COL4A4: variants seen among roughly 807,000 people sequenced by gnomAD.
COL4A4 encodes collagen alpha-4(IV) chain.
A neutral mutation model predicts 192.9 loss-of-function variants in COL4A4; 105 were observed. The observed-to-expected ratio is 0.54, with a 90% CI of 0.46 to 0.64. COL4A4 has a LOEUF of 0.64. COL4A4 is among the 30% of genes least tolerant of loss of function. The pLI is 0.00. For synonymous variants in COL4A4, 762 were observed against 769.9 expected (o/e 0.99, Z 0.17); for missense variants, 1,967 against 2,169.3 (o/e 0.91, Z 1.85).
chr2:227,148,526 T>A (rs1260906283), intron 1 of COL4A4, among the ~76,000 whole-genome samples: 1 of 152,190 alleles, frequency 6.6e-6, no homozygotes, highest in Non-Finnish European at 1.5e-5. Flanking sequence ...GATGATGTAA[T>A]TGCAGTGGTT....
chr2:226,995,304 T>TA, the COL4A4 span: 1 of 664,566 alleles, frequency 1.5e-6, no homozygotes, highest in Non-Finnish European at 2.7e-6. Context: ...AAATCTTTGT[T>TA]ATATTTCTGT....
At chr2:227,018,262 G>A (rs200135348) in intron 44 of COL4A4, among the ~76,000 whole-genome samples, 2 of 152,008 alleles carry the variant, frequency 1.3e-5, no homozygotes, top group East Asian at 1.9e-4. Context: ...ATGGAGTTTC[G>A]CTCTTCTTGC....
At chr2:227,011,152 C>G (rs1963606182) in intron 45 of COL4A4, among the ~76,000 whole-genome samples, 1 of 152,178 alleles carries the variant, frequency 6.6e-6, no homozygotes, top group Non-Finnish European at 1.5e-5. Context: ...CCTTCGGCAC[C>G]TCTAAGGGGC....
chr2:227,133,426 GAT>G (rs2062612639), intron 4 of COL4A4, among the ~76,000 whole-genome samples: 1 of 152,202 alleles, frequency 6.6e-6, no homozygotes, highest in Admixed American at 6.5e-5. Flanking sequence ...GATTTAAAGA[GAT>G]ATTTCTCAGT....
At chr2:227,130,763 G>T (rs999869120) in intron 4 of COL4A4, among the ~76,000 whole-genome samples, 1 of 152,020 alleles carries the variant, frequency 6.6e-6, no homozygotes, top group Non-Finnish European at 1.5e-5. Flanking sequence ...ACTCATGATC[G>T]CCCCTGAAAC....
chr2:227,109,177 G>A (rs751566262), intron 10 of COL4A4, 47 bp downstream of exon 10: 3 of 1,547,926 alleles, frequency 1.9e-6, no homozygotes, highest in African/African-American at 1.4e-5. Context: ...TTATTTTCAT[G>A]TAGAATCTGG....
chr2:227,059,492 G>A lies in COL4A4; in HGVS notation c.2296C>T (p.His766Tyr). ...CCCCTCTTTCCCGGGGGTCCCAGGT[G>A]ACCAAATGCAGGGTCTCCCGGGATT... Reference protein sequence around the residue: ...KGIPGDPAFGHLGPPGKRGLS... With the variant: ...KGIPGDPAFGYLGPPGKRGLS... Residue 766 changes from histidine to tyrosine, a missense_variant, in exon 28 of 48, where the codon CAC (histidine) becomes TAC (tyrosine). Physicochemically the swap from His to Tyr is moderately conservative, Grantham distance 83 (BLOSUM62 2). Coordinates refer to ENST00000396625, the MANE Select transcript of COL4A4 (RefSeq NM_000092.5). 6.2e-7 allele frequency: 1 copy of A among 1,614,074 alleles called. No individual in the cohort carries two copies. The highest frequency in any genetic ancestry group is 8.5e-7 in the Non-Finnish European group (1 of 1,180,016).
chr2:227,039,165 T>C (rs761875665), intron 37 of COL4A4, among the ~76,000 whole-genome samples: 3 of 152,142 alleles, frequency 2.0e-5, no homozygotes, highest in Non-Finnish European at 2.9e-5. Flanking sequence ...CTATTAGTTT[T>C]GTTTTGTTTT....
At chr2:226,972,493 G>A in the COL4A4 span, among the ~76,000 whole-genome samples, 3 of 152,156 alleles carry the variant, frequency 2.0e-5, no homozygotes, top group African/African-American at 7.2e-5. Flanking sequence ...GCCTGGGAAG[G>A]CTGCTCCACC....
chr2:226,989,384 G>C, the COL4A4 span, among the ~76,000 whole-genome samples: 1 of 152,142 alleles, frequency 6.6e-6, no homozygotes. Context: ...TGGGTAACGG[G>C]GTATAGTAAC....
chr2:226,982,563 T>G, the COL4A4 span, among the ~76,000 whole-genome samples: 1 of 152,254 alleles, frequency 6.6e-6, no homozygotes, highest in Non-Finnish European at 1.5e-5. Flanking sequence ...TTCTTTAATG[T>G]GGCCAGAACC....
At chr2:226,995,252 T>C in the COL4A4 span, among the ~76,000 whole-genome samples, 7 of 152,194 alleles carry the variant, frequency 4.6e-5, no homozygotes, top group African/African-American at 1.7e-4. Context: ...TCTAAAAATA[T>C]TTACTTGACG....
Position 227,054,649 on chromosome 2 carries a change from A to G in COL4A4, c.2805T>C (p.Pro935=). 1 of 1,614,224 alleles carries G rather than the reference A, an allele frequency of 6.2e-7. No homozygotes were observed. The highest frequency in any genetic ancestry group is 8.5e-7 in the Non-Finnish European group (1 of 1,180,036). Residue 935 remains proline, a synonymous_variant, in exon 31 of 48, where the codon CCT becomes CCC. Coordinates refer to ENST00000396625, the MANE Select transcript of COL4A4 (RefSeq NM_000092.5). ...GAAGGCCAGACATGCCCTTCTCTCC[A>G]GGTTCTCCCTTTGCGCCAGGACATC... ...AEGCPGAKGE[P]GEKGMSGLPG...
intron 32 of COL4A4, 91 bp downstream of exon 32, chr2:227,052,214 A>T: frequency 1.2e-6 from 1 of 810,334 alleles, no homozygotes. Context: ...GTCTTTTCTA[A>T]TCTCAGTGTT....
chr2:227,091,503 A>T (rs1452426978), intron 20 of COL4A4, among the ~76,000 whole-genome samples: 3 of 152,036 alleles, frequency 2.0e-5, no homozygotes, highest in Non-Finnish European at 4.4e-5. Context: ...AGGGGAAAAA[A>T]TGGAGGAGAC....
chr2:227,010,517 A>G lies in COL4A4; in HGVS notation c.4334-16T>C, dbSNP rs761024396. 2 of 1,531,492 alleles carry G rather than the reference A, an allele frequency of 1.3e-6. No individual in the cohort carries two copies. The highest frequency in any genetic ancestry group is 2.3e-5 in the East Asian group (1 of 43,600). The allele number at this position is 1,531,492 out of a possible 1,614,324, so 94.9% of individuals were successfully genotyped here. A position where few individuals can be genotyped will look rare whatever the true frequency, so the allele number is the denominator to read the frequency against. On this transcript the variant is annotated splice_polypyrimidine_tract_variant and intron_variant, in intron 45 of 47. Coordinates refer to ENST00000396625, the MANE Select transcript of COL4A4 (RefSeq NM_000092.5). ...CCAGGAGGCCCTGGAGGAACAAAGGAAAAAAATTGAAGGCAGGTTAGGGGG... is the reference window on the plus strand; with the variant it reads ...CCAGGAGGCCCTGGAGGAACAAAGGGAAAAAATTGAAGGCAGGTTAGGGGG...
At chr2:227,158,940 T>C (rs75274596) in intron 1 of COL4A4, among the ~76,000 whole-genome samples, 7,271 of 152,154 alleles carry the variant, frequency 0.048, 227 homozygotes, top group Admixed American at 0.087. Flanking sequence ...CCATATGACC[T>C]AACCATTTCA....
At chr2:227,086,870 C>T (rs931008919) in intron 22 of COL4A4, among the ~76,000 whole-genome samples, 4 of 152,340 alleles carry the variant, frequency 2.6e-5, no homozygotes, top group African/African-American at 9.6e-5. Context: ...CACATACATG[C>T]ATTAAGGACC....
At chr2:226,978,044 A>G in the COL4A4 span, among the ~76,000 whole-genome samples, 1 of 152,210 alleles carries the variant, frequency 6.6e-6, no homozygotes, top group African/African-American at 2.4e-5. Flanking sequence ...ATGTTGGTGT[A>G]GTGTCCTCAC....
Sources: allele counts gnomAD v4.1 joint callset (sites outside exome capture counted in the v4.1 genomes callset), GRCh38; gene constraint gnomAD v4.1.1; transcripts MANE v1.5; gene names NCBI Gene and HGNC (gene_info 2026-07-23, HGNC 2026-07-21).